The following LAMA2 variants were observed in gnomAD, a reference collection of about 807,000 sequenced individuals.
LAMA2 encodes the protein laminin subunit alpha 2, also known as laminin subunit alpha-2.
Under a neutral mutation model 364.8 loss-of-function variants are expected in LAMA2, and 269 were observed. That is an observed-to-expected ratio of 0.74 (90% CI 0.67 to 0.82). LAMA2 has a LOEUF of 0.82. Among genes scored for constraint, LAMA2 ranks in the 40% least tolerant of loss-of-function variants. The pLI is 0.00. For missense variants in LAMA2, 3,807 were observed against 3,873.2 expected, an observed-to-expected ratio of 0.98 and a Z score of 0.45; for synonymous variants, 1,379 against 1,370.6, an observed-to-expected ratio of 1.01 and a Z score of -0.14.
intron 12 of LAMA2, among the ~76,000 whole-genome samples, chr6:129,244,703 T>C (rs1036915827): frequency 6.6e-6 from 1 of 152,038 alleles, no homozygotes; most frequent in African/African-American, 2.4e-5. Context: ...CATTCCTCAA[T>C]TCATATTTCT....
chr6:129,326,305 C>T (rs11965687), intron 28 of LAMA2, among the ~76,000 whole-genome samples: 4,468 of 152,150 alleles, frequency 0.029, 145 homozygotes, highest in African/African-American at 0.08. Context: ...AGGGCTGGAC[C>T]GGACCACAGA....
intron 3 of LAMA2, among the ~76,000 whole-genome samples, chr6:129,073,930 A>G (rs1773476649): frequency 2.0e-5 from 3 of 152,226 alleles, no homozygotes; most frequent in Non-Finnish European, 4.4e-5. Flanking sequence ...ATGTATAAAA[A>G]TTCTGGAAGA....
intron 1 of LAMA2, among the ~76,000 whole-genome samples, chr6:129,030,742 G>T (rs1170409446): frequency 6.6e-6 from 1 of 152,060 alleles, no homozygotes; most frequent in Non-Finnish European, 1.5e-5. Flanking sequence ...TTTCCATGAA[G>T]AAGTTTTTTT....
intron 43 of LAMA2, chr6:129,442,113 CA>C (rs1309419497): frequency 5.8e-6 from 5 of 860,906 alleles, no homozygotes; most frequent in Non-Finnish European, 3.4e-6. Flanking sequence ...GGGGGGGTAT[CA>C]AAATATTTGG....
Position 129,463,799 on chromosome 6 carries a change from A to C in LAMA2, c.6993-491A>C, listed in dbSNP as rs76047428. Among the ~76,000 whole-genome samples the C allele has an allele frequency of 8.5e-3, 1,295 of 152,146 alleles. 12 individuals carry two copies. Among genetic ancestry groups the C allele is most frequent in the African/African-American group, 0.03 (1,227 of 41,534 alleles). ...AGCCCATAATCTCTTAGATGGTCTCATGAAATTTACATTCTAGTGAAGGAG... is the reference window on the plus strand; with the variant it reads ...AGCCCATAATCTCTTAGATGGTCTCCTGAAATTTACATTCTAGTGAAGGAG... On this transcript the variant is annotated intron_variant, in intron 49 of 64. Transcript: ENST00000421865.
At chr6:129,123,708 A>G (rs992090213) in intron 4 of LAMA2, among the ~76,000 whole-genome samples, 1 of 152,190 alleles carries the variant, frequency 6.6e-6, no homozygotes, top group African/African-American at 2.4e-5. Flanking sequence ...TGAGAGTAGA[A>G]TGGTAGTTAC....
chr6:129,194,162 T>A (rs1781702595), intron 12 of LAMA2, among the ~76,000 whole-genome samples: 1 of 152,004 alleles, frequency 6.6e-6, no homozygotes. Flanking sequence ...AGACTTGAAT[T>A]TCTACTGCTT....
intron 3 of LAMA2, among the ~76,000 whole-genome samples, chr6:129,090,672 C>A (rs1260340116): frequency 6.6e-6 from 1 of 152,176 alleles, no homozygotes; most frequent in Non-Finnish European, 1.5e-5. Flanking sequence ...TTCTCTACTA[C>A]TATATTTCCT....
chr6:129,510,885 C>T (rs1367591917), intron 62 of LAMA2, among the ~76,000 whole-genome samples: 3 of 152,034 alleles, frequency 2.0e-5, no homozygotes, highest in Non-Finnish European at 4.4e-5. Flanking sequence ...AATATTGAAA[C>T]GTTACAGGTT....
At chr6:129,280,243 A>G (rs1788630844) in intron 18 of LAMA2, 96 bp downstream of exon 18, 1 of 804,568 alleles carries the variant, frequency 1.2e-6, no homozygotes, top group African/African-American at 1.7e-5. Flanking sequence ...TTTGGAGAAA[A>G]AAGGCCACAC....
chr6:129,292,959 CAGG>C (rs1789819519), intron 20 of LAMA2: 4 of 985,928 alleles, frequency 4.1e-6, no homozygotes, highest in Non-Finnish European at 4.8e-6. Flanking sequence ...GGTGCACCAA[CAGG>C]AGGAGCAGCC....
At chr6:129,225,322 A>T (rs1410484209) in intron 12 of LAMA2, among the ~76,000 whole-genome samples, 4 of 151,236 alleles carry the variant, frequency 2.6e-5, no homozygotes, top group Admixed American at 6.6e-5. Context: ...GTTTTTTGTG[A>T]CTCTATCTCC....
At chr6:129,285,982 A>G (rs1234290049) in intron 18 of LAMA2, among the ~76,000 whole-genome samples, 1 of 152,152 alleles carries the variant, frequency 6.6e-6, no homozygotes, top group African/African-American at 2.4e-5. Flanking sequence ...CTAAGTACCT[A>G]TACATTTTCT....
chr6:129,445,954 T>A, intron 45 of LAMA2, 133 bp downstream of exon 45: 1 of 836,912 alleles, frequency 1.2e-6, no homozygotes, highest in Non-Finnish European at 1.9e-6. Context: ...CGATTTGGGG[T>A]AGGAGGGGTT....
chr6:129,326,393 C>T (rs1248552240), intron 28 of LAMA2, among the ~76,000 whole-genome samples: 1 of 152,058 alleles, frequency 6.6e-6, no homozygotes, highest in Non-Finnish European at 1.5e-5. Context: ...ATGTGTTGTG[C>T]GTTAGAGTAG....
intron 4 of LAMA2, among the ~76,000 whole-genome samples, chr6:129,111,359 T>C (rs981912970): frequency 4.6e-5 from 7 of 152,072 alleles, no homozygotes; most frequent in African/African-American, 1.7e-4. Context: ...ATGATACTTA[T>C]TTTGCAAAGG....
At chr6:129,249,033 G>A (rs973812505) in intron 12 of LAMA2, among the ~76,000 whole-genome samples, 1 of 152,296 alleles carries the variant, frequency 6.6e-6, no homozygotes, top group Middle Eastern at 3.4e-3. Context: ...ACATTGCAGA[G>A]CTGCAATTTA....
At chr6:129,442,835 C>A in intron 43 of LAMA2, 1 of 539,326 alleles carries the variant, frequency 1.9e-6, no homozygotes. Flanking sequence ...TTCTATCTTA[C>A]TAAAACATAG....
At chr6:129,432,622 C>T (rs1781653604) in intron 41 of LAMA2, among the ~76,000 whole-genome samples, 1 of 152,106 alleles carries the variant, frequency 6.6e-6, no homozygotes, top group Admixed American at 6.5e-5. Flanking sequence ...TTACAGATAA[C>T]ATAAAGGGAT....
Sources: gnomAD v4.1 joint callset for allele counts (sites outside exome capture counted in the v4.1 genomes callset) on GRCh38, gnomAD v4.1.1 for gene constraint, MANE v1.5 for transcripts, NCBI Gene and HGNC (gene_info 2026-07-23, HGNC 2026-07-21) for gene names.